M1AP: variants seen among roughly 807,000 people sequenced by gnomAD.
The protein encoded by M1AP is meiosis 1 arrest protein.
Under a neutral mutation model 51.2 loss-of-function variants are expected in M1AP, and 39 were observed. The ratio of observed to expected loss-of-function variants is 0.76; its 90% confidence interval spans 0.59 to 1.00. The LOEUF is 1.00. Ranked by LOEUF, M1AP falls within the 50% of genes least tolerant of loss-of-function variation. M1AP has a pLI of 0.00. For missense variants in M1AP, 545 were observed against 641.2 expected (o/e 0.85, Z 1.62); for synonymous variants, 251 against 249.2 (o/e 1.01, Z -0.07).
intron 4 of M1AP, among the ~76,000 whole-genome samples, chr2:74,588,987 A>G (rs766055795): frequency 1.3e-5 from 2 of 152,240 alleles, no homozygotes; most frequent in Non-Finnish European, 2.9e-5. Context: ...GAGAACAGAT[A>G]ATAAGCAAGC....
intron 2 of M1AP, among the ~76,000 whole-genome samples, chr2:74,616,910 C>T (rs1302593560): frequency 6.6e-6 from 1 of 152,164 alleles, no homozygotes; most frequent in Non-Finnish European, 1.5e-5. Flanking sequence ...ACACAACATT[C>T]AGTATCAATT....
At chr2:74,608,787 A>G (rs1185526014) in intron 3 of M1AP, among the ~76,000 whole-genome samples, 4 of 152,194 alleles carry the variant, frequency 2.6e-5, no homozygotes, top group Non-Finnish European at 5.9e-5. Context: ...TTTAATAGGT[A>G]TGTGGTGGTA....
At chr2:74,582,994 C>T (rs953308311) in intron 4 of M1AP, among the ~76,000 whole-genome samples, 28 of 152,040 alleles carry the variant, frequency 1.8e-4, no homozygotes, top group African/African-American at 6.5e-4. Context: ...GCATTCCAGC[C>T]TGGGCAACTC....
chr2:74,599,209 G>A (rs776518191), intron 4 of M1AP, among the ~76,000 whole-genome samples: 2 of 152,120 alleles, frequency 1.3e-5, no homozygotes, highest in Admixed American at 1.3e-4. Context: ...AACCCAGGAG[G>A]TGGAGGTTGC....
chr2:74,626,257 G>GTTTT (rs1337799000), intron 2 of M1AP, among the ~76,000 whole-genome samples: 9 of 125,922 alleles, frequency 7.1e-5, no homozygotes, highest in East Asian at 2.3e-4. Flanking sequence ...CTATATTTCA[G>GTTTT]TTTTTTTTTT....
chr2:74,570,431 C>G (rs979729252), intron 7 of M1AP, among the ~76,000 whole-genome samples: 1 of 152,150 alleles, frequency 6.6e-6, no homozygotes, highest in African/African-American at 2.4e-5. Context: ...ATAGAAAAGG[C>G]ACTATGTCAA....
intron 2 of M1AP, among the ~76,000 whole-genome samples, chr2:74,639,313 CTT>C (rs911947063): frequency 3.9e-5 from 6 of 152,160 alleles, no homozygotes; most frequent in Non-Finnish European, 7.3e-5. Flanking sequence ...TTAAATAAGA[CTT>C]ATATCCATTT....
At chr2:74,629,565 A>T (rs757367418) in intron 2 of M1AP, among the ~76,000 whole-genome samples, 3 of 152,154 alleles carry the variant, frequency 2.0e-5, no homozygotes, top group Non-Finnish European at 4.4e-5. Flanking sequence ...AGCCTGGCCA[A>T]GATGGTGAAA....
chr2:74,624,112 T>C (rs924477743), intron 2 of M1AP, among the ~76,000 whole-genome samples: 1 of 152,222 alleles, frequency 6.6e-6, no homozygotes, highest in African/African-American at 2.4e-5. Flanking sequence ...CTCATATCAT[T>C]GTTGGAGGGA....
At chr2:74,589,637 G>T (rs1218134617) in intron 4 of M1AP, among the ~76,000 whole-genome samples, 1 of 152,204 alleles carries the variant, frequency 6.6e-6, no homozygotes, top group Non-Finnish European at 1.5e-5. Flanking sequence ...CAGGCAGTGG[G>T]GAAGGAGGGA....
At chr2:74,612,847 A>G (rs1681449420) in intron 3 of M1AP, among the ~76,000 whole-genome samples, 1 of 152,088 alleles carries the variant, frequency 6.6e-6, no homozygotes, top group African/African-American at 2.4e-5. Context: ...AGAAATTCTC[A>G]GTCATTATTA....
chr2:74,565,510 C>T (rs546141297), intron 7 of M1AP, among the ~76,000 whole-genome samples: 1 of 152,122 alleles, frequency 6.6e-6, no homozygotes, highest in East Asian at 1.9e-4. Context: ...ACAAAAACTA[C>T]ATAATCATCT....
intron 2 of M1AP, among the ~76,000 whole-genome samples, chr2:74,617,235 G>T (rs538169909): frequency 4.1e-4 from 63 of 152,298 alleles, no homozygotes; most frequent in African/African-American, 1.4e-3. Flanking sequence ...GACACAGAAT[G>T]ATTCAAAATA....
intron 1 of M1AP, among the ~76,000 whole-genome samples, chr2:74,641,272 C>T (rs2104846490): frequency 6.6e-6 from 1 of 152,320 alleles, no homozygotes; most frequent in East Asian, 1.9e-4. Context: ...TGCTTCTCTG[C>T]CTCCAATACT....
intron 5 of M1AP, among the ~76,000 whole-genome samples, chr2:74,579,137 A>G (rs1468487473): frequency 6.6e-6 from 1 of 152,184 alleles, no homozygotes; most frequent in African/African-American, 2.4e-5. Flanking sequence ...ATGATTATAG[A>G]TGGAGTTAAA....
At chr2:74,641,406 ACG>A in intron 1 of M1AP, among the ~76,000 whole-genome samples, 1 of 152,334 alleles carries the variant, frequency 6.6e-6, no homozygotes, top group Non-Finnish European at 1.5e-5. Context: ...AAATGCTCAA[ACG>A]TGAAAAGGGT....
At chr2:74,572,586 G>A (rs543918591) in intron 7 of M1AP, among the ~76,000 whole-genome samples, 8 of 152,224 alleles carry the variant, frequency 5.3e-5, no homozygotes, top group Non-Finnish European at 1.2e-4. Context: ...CTCCTAAAGT[G>A]TTGGGATTAC....
At chr2:74,634,003 A>G (rs1366492261) in intron 2 of M1AP, among the ~76,000 whole-genome samples, 1 of 152,248 alleles carries the variant, frequency 6.6e-6, no homozygotes, top group African/African-American at 2.4e-5. Context: ...AAAAAGGAAA[A>G]TAAAATCTAA....
intron 4 of M1AP, among the ~76,000 whole-genome samples, chr2:74,586,569 C>A (rs1483381004): frequency 6.6e-6 from 1 of 152,222 alleles, no homozygotes; most frequent in Non-Finnish European, 1.5e-5. Context: ...GCTTTAATTG[C>A]CATCCCTGGG....
Sources: gnomAD v4.1 joint callset for allele counts (sites outside exome capture counted in the v4.1 genomes callset) on GRCh38, gnomAD v4.1.1 for gene constraint, MANE v1.5 for transcripts, NCBI Gene and HGNC (gene_info 2026-07-23, HGNC 2026-07-21) for gene names.